The following RERE variants were observed in gnomAD, a reference collection of about 807,000 sequenced individuals.
The protein encoded by RERE is arginine-glutamic acid dipeptide repeats protein.
Under a neutral mutation model 146.1 loss-of-function variants are expected in RERE, and 40 were observed. The observed-to-expected ratio is 0.27, with a 90% CI of 0.21 to 0.36. The LOEUF (loss-of-function observed/expected upper bound fraction) is 0.36. RERE is among the 10% of genes least tolerant of loss of function. RERE has a pLI of 1.00. For missense variants in RERE, 1,933 were observed against 2,138.7 expected (o/e 0.90, Z 1.90); for synonymous variants, 1,003 against 866.0 (o/e 1.16, Z -2.78).
chr1:8,537,704 T>C (rs1645745155), intron 7 of RERE, among the ~76,000 whole-genome samples: 1 of 152,178 alleles, frequency 6.6e-6, no homozygotes, highest in African/African-American at 2.4e-5. Context: ...AAATCCATTC[T>C]TCCCAAATGT....
rs1450144097 is a variant in RERE, at chr1:8,360,369, GGGA to G, written c.3135_3137del (p.Pro1046del). On this transcript the variant is annotated inframe_deletion, in exon 18 of 23. Transcript: ENST00000400908. Reference sequence around the variant, plus strand: ...TGGAGGGGCAGGTCGGAGGGGTGATGGGAGGAGGGCCTCCAGGGACAAAGGGGT... The same window carrying G: ...TGGAGGGGCAGGTCGGAGGGGTGATGGGAGGGCCTCCAGGGACAAAGGGGT... 3 of 1,464,754 alleles carry G rather than the reference GGGA, an allele frequency of 2.0e-6. No homozygotes were observed. Among genetic ancestry groups the G allele is most frequent in the South Asian group, 2.8e-5 (2 of 72,128 alleles). 90.7% of individuals were successfully genotyped at this position (1,464,754 alleles called of 1,614,324 possible).
chr1:8,773,352 G>A (rs1297896666), intron 1 of RERE, among the ~76,000 whole-genome samples: 1 of 152,150 alleles, frequency 6.6e-6, no homozygotes, highest in Non-Finnish European at 1.5e-5. Context: ...ATCATAACCA[G>A]ATGATATGTC....
At chr1:8,766,975 T>A (rs1182633143) in intron 1 of RERE, among the ~76,000 whole-genome samples, 1 of 152,224 alleles carries the variant, frequency 6.6e-6, no homozygotes, top group Non-Finnish European at 1.5e-5. Flanking sequence ...TTAATCAACA[T>A]GTATCAAAAA....
intron 7 of RERE, among the ~76,000 whole-genome samples, chr1:8,516,594 A>G (rs1645423333): frequency 6.6e-6 from 1 of 152,212 alleles, no homozygotes. Context: ...GCCCAAGATT[A>G]AACAGCAAAT....
chr1:8,796,762 G>A (rs770206960), intron 1 of RERE: 2 of 151,946 alleles, frequency 1.3e-5, no homozygotes, highest in South Asian at 2.1e-4. Flanking sequence ...AATGAAATAC[G>A]AAGGGTTAAA....
At chr1:8,734,129 A>C (rs1293093898) in intron 1 of RERE, among the ~76,000 whole-genome samples, 1 of 152,204 alleles carries the variant, frequency 6.6e-6, no homozygotes, top group African/African-American at 2.4e-5. Flanking sequence ...AAAATAAAAT[A>C]AAATGCATAT....
chr1:8,554,704 G>GAAA (rs1297768954), intron 6 of RERE, among the ~76,000 whole-genome samples: 1 of 121,896 alleles, frequency 8.2e-6, no homozygotes, highest in Non-Finnish European at 1.8e-5. Flanking sequence ...AAAAAGACAA[G>GAAA]AAATATTCCA....
intron 11 of RERE, among the ~76,000 whole-genome samples, chr1:8,459,309 A>AT (rs1251947928): frequency 6.6e-6 from 1 of 152,176 alleles, no homozygotes. Flanking sequence ...CATACGTGTA[A>AT]TATATCAACA....
intron 4 of RERE, among the ~76,000 whole-genome samples, chr1:8,593,634 C>G (rs1036812574): frequency 3.3e-5 from 5 of 152,224 alleles, no homozygotes; most frequent in African/African-American, 1.2e-4. Context: ...CTAATACACC[C>G]TCCTTCAGCT....
chr1:8,383,931 G>A (rs1192356498), intron 12 of RERE, among the ~76,000 whole-genome samples: 3 of 151,676 alleles, frequency 2.0e-5, no homozygotes, highest in South Asian at 2.1e-4. Context: ...TTCTATTGCC[G>A]AATTTTAAAA....
At chr1:8,367,612 A>T (rs1641863473) in intron 12 of RERE, among the ~76,000 whole-genome samples, 1 of 152,078 alleles carries the variant, frequency 6.6e-6, no homozygotes, top group African/African-American at 2.4e-5. Context: ...CGGGACAAGC[A>T]CACTCATGTC....
intron 20 of RERE, among the ~76,000 whole-genome samples, chr1:8,357,839 C>T (rs1416101671): frequency 6.6e-6 from 1 of 152,248 alleles, no homozygotes; most frequent in Non-Finnish European, 1.5e-5. Context: ...TAGCCCAGTG[C>T]CTTATCTGTA....
chr1:8,494,008 CAAAGAACG>C (rs1323380939), intron 10 of RERE, among the ~76,000 whole-genome samples: 1 of 152,112 alleles, frequency 6.6e-6, no homozygotes, highest in East Asian at 1.9e-4. Context: ...CAACAACAAA[CAAAGAACG>C]AAAGACAACT....
intron 11 of RERE, among the ~76,000 whole-genome samples, chr1:8,435,647 T>C (rs971665649): frequency 2.0e-5 from 3 of 152,136 alleles, no homozygotes; most frequent in African/African-American, 7.2e-5. Flanking sequence ...CAAAAACCCT[T>C]CCCAGGAGGT....
intron 1 of RERE, among the ~76,000 whole-genome samples, chr1:8,811,643 T>G (rs746119749): frequency 7.2e-5 from 11 of 152,146 alleles, no homozygotes; most frequent in Non-Finnish European, 1.6e-4. Context: ...CTAGGGAACA[T>G]ATACAGGTGC....
chr1:8,361,555 C>A, intron 17 of RERE, 65 bp from the exon 18 acceptor site: 4 of 1,561,910 alleles, frequency 2.6e-6, no homozygotes, highest in Non-Finnish European at 3.5e-6. Flanking sequence ...TCTGCACCAC[C>A]AGTGCCGGAC....
chr1:8,805,413 C>G (rs1483870086), intron 1 of RERE, among the ~76,000 whole-genome samples: 2 of 152,076 alleles, frequency 1.3e-5, no homozygotes, highest in African/African-American at 4.8e-5. Flanking sequence ...CTTTGGGAGG[C>G]TGAGGCAGGT....
intron 3 of RERE, among the ~76,000 whole-genome samples, chr1:8,623,809 T>C (rs1008778068): frequency 4.6e-5 from 7 of 152,188 alleles, no homozygotes; most frequent in Non-Finnish European, 7.3e-5. Context: ...ATAACAACTT[T>C]ACCACGCCCA....
chr1:8,812,400 C>A (rs1390859486), intron 1 of RERE, among the ~76,000 whole-genome samples: 1 of 152,082 alleles, frequency 6.6e-6, no homozygotes, highest in Non-Finnish European at 1.5e-5. Flanking sequence ...TAATCCCGGC[C>A]CTTTAGGAAG....
Sources: allele counts gnomAD v4.1 joint callset (sites outside exome capture counted in the v4.1 genomes callset), GRCh38; gene constraint gnomAD v4.1.1; transcripts MANE v1.5; gene names NCBI Gene and HGNC (gene_info 2026-07-23, HGNC 2026-07-21).